The following EPB41L4B variants were observed in gnomAD, a reference collection of about 807,000 sequenced individuals.
EPB41L4B encodes erythrocyte membrane protein band 4.1 like 4B, also known as band 4.1-like protein 4B.
A neutral mutation model predicts 112.5 loss-of-function variants in EPB41L4B; 30 were observed. The ratio of observed to expected loss-of-function variants is 0.27; its 90% CI spans 0.20 to 0.36. EPB41L4B has a LOEUF of 0.36. EPB41L4B is among the 10% of genes least tolerant of loss of function. The pLI, the probability that EPB41L4B is intolerant of heterozygous loss-of-function variation, is 1.00. For synonymous variants in EPB41L4B, 408 were observed against 439.7 expected, an observed-to-expected ratio of 0.93 and a Z score of 0.90; for missense variants, 1,024 against 1,133.3, an observed-to-expected ratio of 0.90 and a Z score of 1.38.
intron 7 of EPB41L4B, among the ~76,000 whole-genome samples, chr9:109,257,271 A>G (rs1316990017): frequency 2.0e-5 from 3 of 152,166 alleles, no homozygotes; most frequent in Non-Finnish European, 4.4e-5. Flanking sequence ...TGGAGGAGGC[A>G]GTGTTTGGGG....
chr9:109,226,419 T>G (rs1307603045), intron 15 of EPB41L4B, among the ~76,000 whole-genome samples: 1 of 151,770 alleles, frequency 6.6e-6, no homozygotes, highest in Non-Finnish European at 1.5e-5. Context: ...GCTCTAGGAG[T>G]GATAAGCAGG....
At chr9:109,285,667 G>A (rs1836247719) in intron 1 of EPB41L4B, among the ~76,000 whole-genome samples, 1 of 152,088 alleles carries the variant, frequency 6.6e-6, no homozygotes, top group Non-Finnish European at 1.5e-5. Flanking sequence ...AGGTGATCAA[G>A]GTCACTGCCC....
At chr9:109,309,755 CAGAG>C (rs34950010) in intron 1 of EPB41L4B, among the ~76,000 whole-genome samples, 34,693 of 141,852 alleles carry the variant, frequency 0.24, 4,113 homozygotes, top group African/African-American at 0.32. Flanking sequence ...AATACACACA[CAGAG>C]AGAGAGAGAG....
intron 1 of EPB41L4B, among the ~76,000 whole-genome samples, chr9:109,302,284 G>C (rs75603709): frequency 1.3e-5 from 2 of 151,986 alleles, no homozygotes; most frequent in African/African-American, 4.8e-5. Context: ...CATTGTTCTC[G>C]GCCTCTCCTT....
chr9:109,289,804 G>A (rs1836457367), intron 1 of EPB41L4B, among the ~76,000 whole-genome samples: 1 of 152,176 alleles, frequency 6.6e-6, no homozygotes, highest in Non-Finnish European at 1.5e-5. Flanking sequence ...AACCAAAATA[G>A]TTGTAGTGAT....
intron 17 of EPB41L4B, among the ~76,000 whole-genome samples, chr9:109,211,872 C>A (rs908601579): frequency 1.4e-5 from 2 of 145,936 alleles, no homozygotes; most frequent in African/African-American, 2.6e-5. Context: ...CCCGCCACCA[C>A]AACTTGCTAA....
intron 1 of EPB41L4B, among the ~76,000 whole-genome samples, chr9:109,308,285 A>G (rs188530793): frequency 6.6e-6 from 1 of 152,122 alleles, no homozygotes; most frequent in Non-Finnish European, 1.5e-5. Flanking sequence ...TCTTGAGGAT[A>G]AGGATCTTAC....
At chr9:109,298,899 A>G (rs528184190) in intron 1 of EPB41L4B, among the ~76,000 whole-genome samples, 1 of 152,312 alleles carries the variant, frequency 6.6e-6, no homozygotes, top group East Asian at 1.9e-4. Context: ...CACCATGTCC[A>G]AAGGTACCCC....
intron 15 of EPB41L4B, chr9:109,240,804 C>T (rs922901423): frequency 1.0e-6 from 1 of 985,464 alleles, no homozygotes; most frequent in Non-Finnish European, 1.2e-6. Flanking sequence ...TCCCCCAATT[C>T]TGACAGTGTG....
intron 1 of EPB41L4B, among the ~76,000 whole-genome samples, chr9:109,298,225 G>T (rs914586414): frequency 7.9e-5 from 12 of 151,940 alleles, no homozygotes; most frequent in Admixed American, 2.0e-4. Flanking sequence ...GAGCTACTGT[G>T]AATAGAATCT....
chr9:109,320,282 C>G lies in EPB41L4B; in HGVS notation c.165G>C (p.Gly55=). ...CGCCGCCCGCCGGGAACACGCTGCCCCCGGGCGCGGCGGGCAGCGCCGAGG... is the reference window on the plus strand; with the variant it reads ...CGCCGCCCGCCGGGAACACGCTGCCGCCGGGCGCGGCGGGCAGCGCCGAGG... ...ASSSALPAAP[G]GSVFPAGGGP... Residue 55 remains glycine, a synonymous_variant, in exon 1 of 26, where the codon GGG becomes GGC. Coordinates refer to ENST00000374566, the MANE Select transcript of EPB41L4B (RefSeq NM_019114.5). The G allele has an allele frequency of 8.8e-7, 1 of 1,141,486 alleles. No homozygotes were observed. Among genetic ancestry groups the G allele is most frequent in the Non-Finnish European group, 1.1e-6 (1 of 927,468 alleles). 70.7% of individuals were successfully genotyped at this position (1,141,486 alleles called of 1,614,324 possible).
chr9:109,315,564 A>G (rs1196716991), intron 1 of EPB41L4B, among the ~76,000 whole-genome samples: 4 of 152,166 alleles, frequency 2.6e-5, no homozygotes, highest in African/African-American at 9.7e-5. Context: ...TGACACCTTC[A>G]GACGCTGACA....
At chr9:109,262,085 C>T (rs538281603) in intron 6 of EPB41L4B, among the ~76,000 whole-genome samples, 2 of 152,312 alleles carry the variant, frequency 1.3e-5, no homozygotes, top group South Asian at 2.1e-4. Flanking sequence ...CGAAACTACA[C>T]ACCACCAGGG....
At position 109,174,571 on chromosome 9, in the gene EPB41L4B, A is replaced by G. The variant is rs746830095; in HGVS notation, c.2686T>C (p.Leu896=). 6.8e-6 allele frequency: 11 copies of G among 1,614,122 alleles called. No homozygotes were observed. Among genetic ancestry groups the G allele is most frequent in the South Asian group, 1.1e-5 (1 of 91,078 alleles). ...GGAGAATTTCACAGTTCGGTCATCA[A>G]CAGTCTTTTCATCATCTTCTCTCTC... ...LEREKMMKRL[L]MTEL is the part of the protein sequence containing the mutation. Residue 896 remains leucine (L), a synonymous_variant, in exon 26 of 26, where the codon TTG becomes CTG. Transcript: ENST00000374566.
chr9:109,226,829 AATAT>A (rs370938269), intron 15 of EPB41L4B, among the ~76,000 whole-genome samples: 2 of 146,250 alleles, frequency 1.4e-5, no homozygotes, highest in South Asian at 2.1e-4. Flanking sequence ...ATATATGAAG[AATAT>A]ATATATATAT....
intron 2 of EPB41L4B, among the ~76,000 whole-genome samples, chr9:109,277,275 G>GCCGCT (rs1226038595): frequency 8.4e-5 from 12 of 143,432 alleles, no homozygotes; most frequent in Admixed American, 1.4e-4. Flanking sequence ...AAATAGGCCT[G>GCCGCT]CCGCTCCAGG....
chr9:109,248,371 C>T (rs1834639558), intron 13 of EPB41L4B, among the ~76,000 whole-genome samples: 1 of 152,200 alleles, frequency 6.6e-6, no homozygotes, highest in Non-Finnish European at 1.5e-5. Context: ...ATTATTTAAT[C>T]CACACGACAA....
intron 2 of EPB41L4B, among the ~76,000 whole-genome samples, chr9:109,269,470 G>A (rs565032015): frequency 6.6e-6 from 1 of 152,274 alleles, no homozygotes; most frequent in South Asian, 2.1e-4. Flanking sequence ...CTGCATTTAG[G>A]AGCATTCTAC....
intron 24 of EPB41L4B, among the ~76,000 whole-genome samples, chr9:109,178,353 A>T (rs1210000524): frequency 6.6e-6 from 1 of 151,034 alleles, no homozygotes; most frequent in African/African-American, 2.4e-5. Context: ...TTTCTAAAGA[A>T]GACACTCTGA....
Sources: gnomAD v4.1 joint callset for allele counts (sites outside exome capture counted in the v4.1 genomes callset) on GRCh38, gnomAD v4.1.1 for gene constraint, MANE v1.5 for transcripts, NCBI Gene and HGNC (gene_info 2026-07-23, HGNC 2026-07-21) for gene names.